The following FREM2 variants were observed in gnomAD, a reference collection of about 807,000 sequenced individuals.
FREM2 encodes the protein FRAS1 related extracellular matrix 2.
In FREM2, 119 loss-of-function variants were observed where a neutral mutation model predicts 219.9. That is an observed-to-expected ratio of 0.54 (90% CI 0.47 to 0.63). The LOEUF is 0.63. Ranked by LOEUF, FREM2 falls within the 30% of genes least tolerant of loss-of-function variation. FREM2 has a pLI of 0.00. For synonymous variants in FREM2, 1,562 were observed against 1,522.8 expected (o/e 1.03, Z -0.60); for missense variants, 4,030 against 3,993.6 (o/e 1.01, Z -0.25).
intron 6 of FREM2, among the ~76,000 whole-genome samples, chr13:38,812,212 G>C (rs941621345): frequency 9.2e-5 from 14 of 152,014 alleles, no homozygotes; most frequent in Non-Finnish European, 1.9e-4. Context: ...GTTTCTTATA[G>C]TCAAGAGATC....
chr13:38,720,446 C>A (rs990850488), intron 2 of FREM2, among the ~76,000 whole-genome samples: 1 of 152,146 alleles, frequency 6.6e-6, no homozygotes, highest in Non-Finnish European at 1.5e-5. Context: ...CAGACAGATT[C>A]TAATTGCATC....
Position 38,880,865 on chromosome 13 carries a change from A to G in FREM2, c.*78A>G. The G allele has an allele frequency of 1.3e-6, 2 of 1,515,696 alleles. No homozygotes were observed. The highest frequency in any genetic ancestry group is 1.2e-5 in the South Asian group (1 of 86,832). 93.9% of individuals were successfully genotyped at this position (1,515,696 alleles called of 1,614,324 possible). A position where few individuals can be genotyped will look rare whatever the true frequency, so the allele number is the denominator to read the frequency against. On this transcript the variant is annotated 3_prime_UTR_variant, in exon 24 of 24. Transcript: ENST00000280481. ...ATGGAACCTTAAATACTTCTGGTAA[A>G]CCATAGAGAATGGAGGATGGCTGTG...
At chr13:38,868,233 T>C (rs868264788) in intron 16 of FREM2, among the ~76,000 whole-genome samples, 1 of 152,358 alleles carries the variant, frequency 6.6e-6, no homozygotes, top group South Asian at 2.1e-4. Context: ...TCCATTAGTT[T>C]TGGCTTATAG....
chr13:38,749,453 G>A (rs1180691473), intron 2 of FREM2, among the ~76,000 whole-genome samples: 3 of 152,120 alleles, frequency 2.0e-5, no homozygotes, highest in Non-Finnish European at 4.4e-5. Context: ...GAATTACCAA[G>A]AAAAGTCAGA....
At position 38,691,970 on chromosome 13, in the gene FREM2, T is replaced by C; in HGVS notation, c.4626T>C (p.Val1542=). ...CAGTGGTCACCATCCACAAGCTGGT[T>C]GTCAGTGAAAGTGAAAACAAGCTGA... ...KKPVVTIHKL[V]VSESENKLIT... The change falls in exon 1 of 24, where the codon GTT becomes GTC. Residue 1542 remains valine (V), a synonymous_variant. Coordinates refer to ENST00000280481, the MANE Select transcript of FREM2 (RefSeq NM_207361.6). The C allele has an allele frequency of 1.2e-6, 2 of 1,614,238 alleles. No individual in the cohort carries two copies. The highest frequency in any genetic ancestry group is 1.7e-6 in the Non-Finnish European group (2 of 1,180,036).
At chr13:38,776,705 G>A (rs1360097104) in intron 4 of FREM2, among the ~76,000 whole-genome samples, 1 of 151,772 alleles carries the variant, frequency 6.6e-6, no homozygotes, top group Non-Finnish European at 1.5e-5. Context: ...AATAATGGTG[G>A]AAAATGAGAG....
chr13:38,759,061 A>G (rs915009489), intron 2 of FREM2, among the ~76,000 whole-genome samples: 2 of 152,186 alleles, frequency 1.3e-5, no homozygotes, highest in Non-Finnish European at 2.9e-5. Flanking sequence ...CAAATGATCT[A>G]ATTTCCCCAA....
Position 38,697,741 on chromosome 13 carries a change from G to C in FREM2, c.5217G>C (p.Gly1739=), listed in dbSNP as rs764881281. The C allele has an allele frequency of 1.9e-6, 3 of 1,610,586 alleles. No homozygotes were observed. In the Admixed American group the frequency reaches 5.0e-5, roughly 27 times the overall value. ...AAATATGCTATGTCTTAAGAGAAGG[G>C]GCTAATGCCACAAGTGATATGTTCT... ...DMKICYVLRE[G]ANATSDMFYF... The change falls in exon 2 of 24, where the codon GGG becomes GGC. Residue 1739 remains glycine, a synonymous_variant. Transcript: ENST00000280481.
intron 6 of FREM2, among the ~76,000 whole-genome samples, chr13:38,796,405 T>A (rs917484726): frequency 1.3e-5 from 2 of 152,156 alleles, no homozygotes; most frequent in African/African-American, 4.8e-5. Flanking sequence ...TTATCTGAAC[T>A]TTTTGGTTGT....
At chr13:38,781,963 A>C (rs546448671) in intron 4 of FREM2, among the ~76,000 whole-genome samples, 1 of 152,174 alleles carries the variant, frequency 6.6e-6, no homozygotes, top group East Asian at 1.9e-4. Flanking sequence ...AAGGGAATAA[A>C]CGCCTGGCCC....
chr13:38,774,060 A>C (rs761606045), intron 4 of FREM2, among the ~76,000 whole-genome samples: 57 of 151,864 alleles, frequency 3.8e-4, no homozygotes, highest in Non-Finnish European at 6.5e-4. Flanking sequence ...CCCCTGAGTT[A>C]TGTTCTTCTA....
intron 6 of FREM2, among the ~76,000 whole-genome samples, chr13:38,845,460 G>T (rs1877114661): frequency 6.6e-6 from 1 of 152,138 alleles, no homozygotes; most frequent in Non-Finnish European, 1.5e-5. Flanking sequence ...TGTAAAACTA[G>T]AGCCAGGTGA....
chr13:38,789,837 A>T (rs1874489392), intron 6 of FREM2, among the ~76,000 whole-genome samples: 1 of 150,658 alleles, frequency 6.6e-6, no homozygotes, highest in African/African-American at 2.4e-5. Context: ...TATTTATTTT[A>T]TAATCTTTGT....
intron 2 of FREM2, among the ~76,000 whole-genome samples, chr13:38,748,018 G>A (rs9576609): frequency 0.041 from 6,277 of 152,114 alleles, 222 homozygotes; most frequent in East Asian, 0.15. Context: ...ACAGGAGGCC[G>A]ACATAGCTCG....
intron 3 of FREM2, among the ~76,000 whole-genome samples, chr13:38,767,734 C>T (rs1873497443): frequency 6.6e-6 from 1 of 152,106 alleles, no homozygotes; most frequent in African/African-American, 2.4e-5. Flanking sequence ...CACAAGGAAC[C>T]AGAGAGCTGT....
At chr13:38,840,214 C>G (rs1439256517) in intron 6 of FREM2, among the ~76,000 whole-genome samples, 2 of 151,982 alleles carry the variant, frequency 1.3e-5, no homozygotes, top group Admixed American at 6.6e-5. Flanking sequence ...GGAGGGAGTT[C>G]CCCGACCCCT....
chr13:38,788,995 G>C (rs986124449), intron 6 of FREM2, among the ~76,000 whole-genome samples: 3 of 152,006 alleles, frequency 2.0e-5, no homozygotes, highest in African/African-American at 7.2e-5. Flanking sequence ...TATGCTTGAA[G>C]AAACTTACTT....
intron 6 of FREM2, among the ~76,000 whole-genome samples, chr13:38,843,917 G>T (rs1877054324): frequency 6.6e-6 from 1 of 150,974 alleles, no homozygotes; most frequent in Admixed American, 6.6e-5. Context: ...GGAAACTACT[G>T]AATGTGTTTT....
intron 6 of FREM2, among the ~76,000 whole-genome samples, chr13:38,839,922 C>G (rs1191566489): frequency 6.6e-6 from 1 of 152,122 alleles, no homozygotes; most frequent in Non-Finnish European, 1.5e-5. Context: ...TGAGCTAAAC[C>G]ACTTGGCTCC....
Sources: gnomAD v4.1 joint callset for allele counts (sites outside exome capture counted in the v4.1 genomes callset) on GRCh38, gnomAD v4.1.1 for gene constraint, MANE v1.5 for transcripts, NCBI Gene and HGNC (gene_info 2026-07-23, HGNC 2026-07-21) for gene names.